GRIK4: variants seen among roughly 807,000 people sequenced by gnomAD.
GRIK4 encodes the protein glutamate receptor ionotropic, kainate 4.
Under a neutral mutation model 104.9 loss-of-function variants are expected in GRIK4, and 40 were observed. That is an observed-to-expected ratio of 0.38 (90% CI 0.30 to 0.50). The LOEUF (loss-of-function observed/expected upper bound fraction) is 0.50. Among genes scored for constraint, GRIK4 ranks in the 20% least tolerant of loss-of-function variants. GRIK4 has a pLI of 0.93. For missense variants in GRIK4, 1,047 were observed against 1,308.1 expected (o/e 0.80, Z 3.08); for synonymous variants, 485 against 524.9 (o/e 0.92, Z 1.04).
At chr11:120,544,477 T>C (rs1948066379) in intron 1 of GRIK4, among the ~76,000 whole-genome samples, 2 of 152,152 alleles carry the variant, frequency 1.3e-5, no homozygotes, top group Non-Finnish European at 1.5e-5. Flanking sequence ...ATTACAGGCA[T>C]GTGCCACCAC....
At chr11:120,533,714 C>CA (rs1409019479) in intron 1 of GRIK4, among the ~76,000 whole-genome samples, 8 of 152,088 alleles carry the variant, frequency 5.3e-5, no homozygotes, top group Non-Finnish European at 1.2e-4. Flanking sequence ...CCTGTCTCTA[C>CA]AAAAAATGCA....
intron 13 of GRIK4, among the ~76,000 whole-genome samples, chr11:120,921,867 G>A (rs898524261): frequency 1.6e-4 from 24 of 152,094 alleles, no homozygotes; most frequent in Non-Finnish European, 3.4e-4. Context: ...ACTGGGTATC[G>A]GTGCAGCCCC....
At chr11:120,660,217 G>A in intron 2 of GRIK4, 52 bp from the exon 3 acceptor site, 3 of 780,162 alleles carry the variant, frequency 3.8e-6, no homozygotes, top group Non-Finnish European at 6.6e-6. Flanking sequence ...TGGTGGGGCA[G>A]CTGCCTAGCT....
At chr11:120,909,106 G>C (rs1003935490) in intron 13 of GRIK4, among the ~76,000 whole-genome samples, 1 of 152,368 alleles carries the variant, frequency 6.6e-6, no homozygotes, top group South Asian at 2.1e-4. Context: ...GGCCAGGCCA[G>C]CAGGCAGAGC....
At chr11:120,785,489 G>A (rs903288467) in intron 3 of GRIK4, among the ~76,000 whole-genome samples, 2 of 152,212 alleles carry the variant, frequency 1.3e-5, no homozygotes, top group African/African-American at 4.8e-5. Context: ...AGATAGAATT[G>A]TCGGTGATGC....
chr11:120,790,063 T>C (rs1425851688), intron 3 of GRIK4, among the ~76,000 whole-genome samples: 1 of 152,150 alleles, frequency 6.6e-6, no homozygotes, highest in Non-Finnish European at 1.5e-5. Flanking sequence ...TAGTCACCTG[T>C]GATTTCCCAG....
chr11:120,764,603 T>G (rs529083111), intron 3 of GRIK4, among the ~76,000 whole-genome samples: 10 of 148,894 alleles, frequency 6.7e-5, no homozygotes, highest in South Asian at 2.1e-4. Context: ...TTTTGTTTTT[T>G]TTTTCCTTTT....
chr11:120,662,339 C>G (rs550184628), intron 3 of GRIK4, among the ~76,000 whole-genome samples: 9 of 152,312 alleles, frequency 5.9e-5, no homozygotes, highest in African/African-American at 2.2e-4. Flanking sequence ...CAAGGTCAAA[C>G]CGGGCCTAAT....
intron 1 of GRIK4, among the ~76,000 whole-genome samples, chr11:120,626,748 C>T (rs185988276): frequency 2.0e-3 from 306 of 152,330 alleles, no homozygotes; most frequent in South Asian, 5.0e-3. Context: ...GCTCTGGACA[C>T]ACGATGTCTG....
chr11:120,739,496 T>G (rs1024701007), intron 3 of GRIK4, among the ~76,000 whole-genome samples: 1 of 152,150 alleles, frequency 6.6e-6, no homozygotes, highest in Non-Finnish European at 1.5e-5. Context: ...TTAGGACTGC[T>G]CACTGCCCAA....
intron 1 of GRIK4, among the ~76,000 whole-genome samples, chr11:120,595,483 A>G (rs1473446399): frequency 6.6e-6 from 1 of 152,186 alleles, no homozygotes; most frequent in Non-Finnish European, 1.5e-5. Flanking sequence ...GGTGCATGGC[A>G]GAGGGAAGGT....
Position 120,688,946 on chromosome 11 carries a change from C to G in GRIK4, c.82+28546C>G, listed in dbSNP as rs142272867. Among the ~76,000 whole-genome samples, 6 of 152,206 alleles carry G rather than the reference C, an allele frequency of 3.9e-5. No individual in the cohort carries two copies. The East Asian group carries it at 9.7e-4, about 25-fold the overall frequency. Reference sequence around the variant, plus strand: ...TCACAGAAACCTTTCTGCACCAGGTCTTGGGAAAACAGAGATAAAGACCAA... The same window carrying G: ...TCACAGAAACCTTTCTGCACCAGGTGTTGGGAAAACAGAGATAAAGACCAA... On this transcript the variant is annotated intron_variant, in intron 3 of 20. Transcript: ENST00000527524.
At chr11:120,514,841 C>G (rs1947705866) in intron 1 of GRIK4, 1 of 388,652 alleles carries the variant, frequency 2.6e-6, no homozygotes. Context: ...CTTCGAGTGT[C>G]CACTCCGACC....
At chr11:120,734,823 G>A (rs1029041493) in intron 3 of GRIK4, among the ~76,000 whole-genome samples, 2 of 152,118 alleles carry the variant, frequency 1.3e-5, no homozygotes, top group African/African-American at 4.8e-5. Context: ...AGACTCTGAT[G>A]CATTCCTCAG....
At chr11:120,695,761 G>A (rs1262553619) in intron 3 of GRIK4, among the ~76,000 whole-genome samples, 2 of 152,102 alleles carry the variant, frequency 1.3e-5, no homozygotes, top group Non-Finnish European at 2.9e-5. Flanking sequence ...CGCCTGGCTG[G>A]ATATTGATTG....
chr11:120,839,534 A>G (rs967682655), intron 8 of GRIK4, among the ~76,000 whole-genome samples: 2 of 152,244 alleles, frequency 1.3e-5, no homozygotes, highest in Non-Finnish European at 2.9e-5. Flanking sequence ...TGTTATTTTA[A>G]GAAGTCCAGC....
rs560439368 is a variant in GRIK4, at chr11:120,811,581, C to T, written c.248-3797C>T. On this transcript the variant is annotated intron_variant, in intron 4 of 20. Coordinates refer to ENST00000527524, the MANE Select transcript of GRIK4 (RefSeq NM_014619.5). The stretch of plus-strand genomic sequence containing the variant: ...AGTGCTTCGAACGGGCCATAGTTAA[C>T]ACTCAGTACATGTAGTCTTTAATAA... Among the ~76,000 whole-genome samples, 3 of 152,290 alleles carry T rather than the reference C, an allele frequency of 2.0e-5. No homozygotes were observed. The East Asian group carries it at 5.8e-4, about 29-fold the overall frequency.
At chr11:120,567,359 G>A (rs958289823) in intron 1 of GRIK4, among the ~76,000 whole-genome samples, 2 of 151,504 alleles carry the variant, frequency 1.3e-5, no homozygotes, top group African/African-American at 4.9e-5. Flanking sequence ...GGATCTCTCT[G>A]TATTGCCCAG....
intron 19 of GRIK4, among the ~76,000 whole-genome samples, chr11:120,978,978 G>T (rs1389738042): frequency 6.6e-5 from 10 of 152,222 alleles, no homozygotes; most frequent in African/African-American, 2.4e-4. Context: ...ACCACAGCGA[G>T]GGTGGTTTTA....
Sources: gnomAD v4.1 joint callset for allele counts (sites outside exome capture counted in the v4.1 genomes callset) on GRCh38, gnomAD v4.1.1 for gene constraint, MANE v1.5 for transcripts, NCBI Gene and HGNC (gene_info 2026-07-23, HGNC 2026-07-21) for gene names.